The following PDE3A variants were observed in gnomAD, a reference collection of about 807,000 sequenced individuals.
PDE3A encodes phosphodiesterase 3A, also known as cGMP-inhibited 3',5'-cyclic phosphodiesterase 3A.
PDE3A carries 43 observed loss-of-function variants against 98.3 expected under a neutral mutation model. The ratio of observed to expected loss-of-function variants is 0.44; its 90% CI spans 0.34 to 0.56. PDE3A has a LOEUF of 0.56. Among genes scored for constraint, PDE3A ranks in the 20% least tolerant of loss-of-function variants. PDE3A has a pLI of 0.01. For synonymous variants in PDE3A, 663 were observed against 567.9 expected, an observed-to-expected ratio of 1.17 and a Z score of -2.38; for missense variants, 1,427 against 1,440.7, an observed-to-expected ratio of 0.99 and a Z score of 0.15.
At chr12:20,495,510 C>T (rs2121062440) in intron 1 of PDE3A, among the ~76,000 whole-genome samples, 1 of 152,202 alleles carries the variant, frequency 6.6e-6, no homozygotes, top group South Asian at 2.1e-4. Flanking sequence ...TCCTTTTAAA[C>T]TTGTCTGTTT....
intron 2 of PDE3A, among the ~76,000 whole-genome samples, chr12:20,598,685 G>C (rs140421374): frequency 6.6e-6 from 1 of 152,046 alleles, no homozygotes; most frequent in Non-Finnish European, 1.5e-5. Flanking sequence ...TGAAGCCTGG[G>C]GTACTTAGAG....
At chr12:20,532,664 T>G (rs918872757) in intron 1 of PDE3A, among the ~76,000 whole-genome samples, 2 of 149,032 alleles carry the variant, frequency 1.3e-5, no homozygotes, top group African/African-American at 4.9e-5. Context: ...TTATGTCAGG[T>G]TTTTGTGTAT....
chr12:20,418,163 C>G (rs1424595215), intron 1 of PDE3A, among the ~76,000 whole-genome samples: 2 of 152,114 alleles, frequency 1.3e-5, no homozygotes, highest in Admixed American at 1.3e-4. Flanking sequence ...TTGTCACTGC[C>G]TAGTCCTTGG....
At position 20,648,900 on chromosome 12, in the gene PDE3A, A is replaced by G. The variant is rs760647061; in HGVS notation, c.2769+9A>G. The G allele has an allele frequency of 8.2e-6, 12 of 1,456,074 alleles. No homozygotes were observed. The highest frequency in any genetic ancestry group is 2.9e-6 in the Non-Finnish European group (3 of 1,049,404). The allele number at this position is 1,456,074 out of a possible 1,614,324, so 90.2% of individuals were successfully genotyped here. A position where few individuals can be genotyped will look rare whatever the true frequency, so the allele number is the denominator to read the frequency against. ...CCAAATTTAATGGCAAGGTAAATAG[A>G]GCTGTACCCAGTTTTCTTTTCTTTT... On this transcript the variant is annotated intron_variant, in intron 13 of 15. Coordinates refer to ENST00000359062, the MANE Select transcript of PDE3A (RefSeq NM_000921.5).
chr12:20,468,496 T>C (rs1404124931), intron 1 of PDE3A, among the ~76,000 whole-genome samples: 1 of 152,164 alleles, frequency 6.6e-6, no homozygotes, highest in Admixed American at 6.5e-5. Flanking sequence ...ATTAGAAATG[T>C]AGTAAATTCT....
At chr12:20,429,727 A>G (rs771648962) in intron 1 of PDE3A, among the ~76,000 whole-genome samples, 9 of 152,226 alleles carry the variant, frequency 5.9e-5, no homozygotes, top group Non-Finnish European at 1.3e-4. Flanking sequence ...ATAGATTTGG[A>G]CAATAGAAAA....
chr12:20,501,515 G>T (rs1946025509), intron 1 of PDE3A, among the ~76,000 whole-genome samples: 1 of 152,100 alleles, frequency 6.6e-6, no homozygotes, highest in African/African-American at 2.4e-5. Context: ...TTTGTGCCAA[G>T]TTTTTGGTTA....
chr12:20,624,489 A>T (rs1248761357), intron 5 of PDE3A, among the ~76,000 whole-genome samples: 1 of 152,134 alleles, frequency 6.6e-6, no homozygotes. Context: ...AGGAATGTCC[A>T]CATAAGATAC....
intron 2 of PDE3A, among the ~76,000 whole-genome samples, chr12:20,602,214 A>ATCTT: frequency 6.6e-6 from 1 of 152,294 alleles, no homozygotes; most frequent in South Asian, 2.1e-4. Context: ...AATTTATTAT[A>ATCTT]TCTTTGCCAG....
At chr12:20,442,006 C>T (rs1160892256) in intron 1 of PDE3A, among the ~76,000 whole-genome samples, 6 of 152,120 alleles carry the variant, frequency 3.9e-5, no homozygotes, top group Admixed American at 6.6e-5. Context: ...AGGTTAGTGC[C>T]TCCTCCTGGA....
At chr12:20,599,094 T>C (rs1278052089) in intron 2 of PDE3A, among the ~76,000 whole-genome samples, 2 of 152,232 alleles carry the variant, frequency 1.3e-5, no homozygotes, top group Admixed American at 1.3e-4. Context: ...TCATTTCTGC[T>C]AATAAAAAGC....
At chr12:20,612,901 G>A (rs991205271) in intron 2 of PDE3A, among the ~76,000 whole-genome samples, 1 of 151,692 alleles carries the variant, frequency 6.6e-6, no homozygotes, top group African/African-American at 2.4e-5. Flanking sequence ...CCAACAACAG[G>A]AAGAGAGACA....
At position 20,686,219 on chromosome 12, in the gene PDE3A, G is replaced by T. The variant is rs943854872; in HGVS notation, c.*5948G>T. The stretch of plus-strand genomic sequence containing the variant: ...TCAAATACATTAGATAAAAATTAGT[G>T]TCAATAATTTAACTTTGTACAAATT... On this transcript the variant is annotated 3_prime_UTR_variant, in exon 16 of 16. Coordinates refer to ENST00000359062, the MANE Select transcript of PDE3A (RefSeq NM_000921.5). 5.3e-5 allele frequency among the ~76,000 whole-genome samples: 8 copies of T among 152,216 alleles called. No homozygotes were observed. The highest frequency in any genetic ancestry group is 2.0e-4 in the Admixed American group (3 of 15,278).
intron 1 of PDE3A, among the ~76,000 whole-genome samples, chr12:20,503,211 GT>G (rs2121089854): frequency 1.3e-5 from 2 of 151,942 alleles, no homozygotes; most frequent in East Asian, 3.9e-4. Context: ...GATATATGAA[GT>G]TTATGAGGTT....
chr12:20,677,043 T>C (rs2120471708), intron 15 of PDE3A, among the ~76,000 whole-genome samples: 1 of 152,314 alleles, frequency 6.6e-6, no homozygotes, highest in South Asian at 2.1e-4. Flanking sequence ...TTTTTTATGT[T>C]TTTAGTGTTC....
At position 20,621,729 on chromosome 12, in the gene PDE3A, T is replaced by A. The variant is rs148766904; in HGVS notation, c.1540+318T>A. 4.2e-4 allele frequency among the ~76,000 whole-genome samples: 64 copies of A among 152,226 alleles called. No homozygotes were observed. The East Asian group carries it at 8.9e-3, about 21-fold the overall frequency. ...ATCATCTCATAATAGAAATTCCAAT[T>A]TTTTAGTGTCTGTTAAAATTATTTT... On this transcript the variant is annotated intron_variant, in intron 5 of 15. Transcript: ENST00000359062.
chr12:20,470,197 A>G (rs1415978121), intron 1 of PDE3A, among the ~76,000 whole-genome samples: 2 of 151,948 alleles, frequency 1.3e-5, no homozygotes, highest in South Asian at 2.1e-4. Context: ...TGTTTTTAGT[A>G]TACCAGAACT....
intron 2 of PDE3A, among the ~76,000 whole-genome samples, chr12:20,581,659 C>A (rs1362384555): frequency 7.0e-6 from 1 of 142,148 alleles, no homozygotes; most frequent in African/African-American, 2.6e-5. Context: ...GTCGCCCAGG[C>A]TGGAGTACAG....
chr12:20,653,592 C>G (rs1476480433), intron 14 of PDE3A, among the ~76,000 whole-genome samples: 1 of 152,058 alleles, frequency 6.6e-6, no homozygotes, highest in Non-Finnish European at 1.5e-5. Context: ...TCGATTTGCC[C>G]ACTTTGGCAT....
Sources: gnomAD v4.1 joint callset for allele counts (sites outside exome capture counted in the v4.1 genomes callset) on GRCh38, gnomAD v4.1.1 for gene constraint, MANE v1.5 for transcripts, NCBI Gene and HGNC (gene_info 2026-07-23, HGNC 2026-07-21) for gene names.